PCDHGC5: variants seen among roughly 807,000 people sequenced by gnomAD.
The protein encoded by PCDHGC5 is protocadherin gamma-C5.
Under a neutral mutation model 59.0 loss-of-function variants are expected in PCDHGC5, and 25 were observed. That is an observed-to-expected ratio of 0.42 (90% CI 0.31 to 0.59). The LOEUF (loss-of-function observed/expected upper bound fraction) is 0.59, where lower values mean the gene tolerates loss of function less well. Among genes scored for constraint, PCDHGC5 ranks in the 20% least tolerant of loss-of-function variants. The probability of loss-of-function intolerance (pLI) is 0.13; values close to 1 mark genes in which losing one functional copy is unlikely to be tolerated. For synonymous variants in PCDHGC5, 434 were observed against 505.5 expected (o/e 0.86, Z 1.90); for missense variants, 1,067 against 1,206.4 (o/e 0.88, Z 1.71).
At chr5:141,501,718 A>G (rs914077060) in intron 2 of PCDHGC5, among the ~76,000 whole-genome samples, 1 of 152,152 alleles carries the variant, frequency 6.6e-6, no homozygotes, top group Non-Finnish European at 1.5e-5. Flanking sequence ...AAAAAGACAA[A>G]TATATTACCC....
At chr5:141,502,697 T>C (rs893610041) in intron 2 of PCDHGC5, among the ~76,000 whole-genome samples, 13 of 152,208 alleles carry the variant, frequency 8.5e-5, no homozygotes, top group African/African-American at 3.1e-4. Context: ...CTTGCCTGTA[T>C]CTGTTTTTAC....
intron 2 of PCDHGC5, among the ~76,000 whole-genome samples, chr5:141,500,125 T>C (rs1367341826): frequency 2.0e-5 from 3 of 151,970 alleles, no homozygotes; most frequent in African/African-American, 4.8e-5. Flanking sequence ...CCTTTTCATA[T>C]ATATCTTTCT....
chr5:141,491,709 C>T lies in PCDHGC5; in HGVS notation c.2460+9C>T, dbSNP rs2099725685. On this transcript the variant is annotated intron_variant, in intron 1 of 3. Coordinates refer to ENST00000252087, the MANE Select transcript of PCDHGC5 (RefSeq NM_018929.3). The surrounding 1 kb of genome is among the most constrained non-coding windows in gnomAD (Gnocchi z 6.9). The stretch of plus-strand genomic sequence containing the variant: ...TGCGGGAGCGGAGCCAGGTGAGGGG[C>T]TCGGCGCCGCCCCGGGCGACCCCTG... 6.2e-7 allele frequency: 1 copy of T among 1,610,156 alleles called. No homozygotes were observed. Among genetic ancestry groups the T allele is most frequent in the Non-Finnish European group, 8.5e-7 (1 of 1,178,376 alleles).
At position 141,491,658 on chromosome 5, in the gene PCDHGC5, C is replaced by A; in HGVS notation, c.2418C>A (p.Asp806Glu). 1 of 1,613,822 alleles carries A rather than the reference C, an allele frequency of 6.2e-7. No homozygotes were observed. The highest frequency in any genetic ancestry group is 8.5e-7 in the Non-Finnish European group (1 of 1,180,016). Residue 806 changes from aspartate to glutamate, a missense_variant, in exon 1 of 4, where the codon GAC (aspartate) becomes GAA (glutamate). By Grantham distance (45) the Asp-to-Glu change is conservative. Coordinates refer to ENST00000252087, the MANE Select transcript of PCDHGC5 (RefSeq NM_018929.3). The surrounding 1 kb of genome is among the most constrained non-coding windows in gnomAD (Gnocchi z 6.9). ...CCACAGCTCTGGCGCTGGAGCCTGA[C>A]GCCATCCGGTCCCGCTCTAATACGC... is the stretch of plus-strand genomic sequence containing the variant. ...QQPTALALEPDAIRSRSNTLR... is the reference protein window; with the variant it reads ...QQPTALALEPEAIRSRSNTLR...
Position 141,491,793 on chromosome 5 carries a change from C to T in PCDHGC5, c.2460+93C>T, listed in dbSNP as rs2099730341. 4.0e-6 allele frequency: 6 copies of T among 1,511,410 alleles called. No individual in the cohort carries two copies. Among genetic ancestry groups the T allele is most frequent in the East Asian group, 2.5e-5 (1 of 40,660 alleles). The allele number at this position is 1,511,410 out of a possible 1,614,324, so 93.6% of individuals were successfully genotyped here. A position where few individuals can be genotyped will look rare whatever the true frequency, so the allele number is the denominator to read the frequency against. On this transcript the variant is annotated intron_variant, in intron 1 of 3. Transcript: ENST00000252087. This position sits in a 1 kb window ranked among gnomAD's most constrained non-coding sequence, Gnocchi z 6.9. ...AGGGATTGAACTTGCATCCACTCCT[C>T]TCCGGCCGGCTTGGTCGCTGGCTGC...
intron 2 of PCDHGC5, among the ~76,000 whole-genome samples, chr5:141,500,428 C>G (rs1224554560): frequency 6.6e-6 from 1 of 151,836 alleles, no homozygotes; most frequent in African/African-American, 2.4e-5. Context: ...CCAGGATGGT[C>G]TCGATCTCCT....
Position 141,491,636 on chromosome 5 carries a change from C to T in PCDHGC5, c.2396C>T (p.Thr799Ile). ...AGACCCCTCAGCGTTCAGCAGCCCA[C>T]AGCTCTGGCGCTGGAGCCTGACGCC... ...FLRPLSVQQP[T>I]ALALEPDAIR... Residue 799 changes from threonine (T) to isoleucine (I), a missense_variant, in exon 1 of 4, where the codon ACA becomes ATA. Thr to Ile is a moderately conservative substitution (Grantham distance 89, BLOSUM62 -1). Coordinates refer to ENST00000252087, the MANE Select transcript of PCDHGC5 (RefSeq NM_018929.3). This position sits in a 1 kb window ranked among gnomAD's most constrained non-coding sequence, Gnocchi z 6.9. 6.2e-7 allele frequency: 1 copy of T among 1,613,922 alleles called. No homozygotes were observed. Among genetic ancestry groups the T allele is most frequent in the Non-Finnish European group, 8.5e-7 (1 of 1,180,020 alleles).
At position 141,491,151 on chromosome 5, in the gene PCDHGC5, T is replaced by C. The variant is rs1283775894; in HGVS notation, c.1911T>C (p.Asp637=). The C allele has an allele frequency of 6.2e-7, 1 of 1,614,150 alleles. No individual in the cohort carries two copies. The change falls in exon 1 of 4, where the codon GAT becomes GAC. Residue 637 remains aspartate, a synonymous_variant. Transcript: ENST00000252087. The surrounding 1 kb of genome is among the most constrained non-coding windows in gnomAD (Gnocchi z 6.9). ...GCACAGCCCGGGCCTTACTGGAGGA[T>C]GACTCTGACACCCAGCAGGTGGTGG... The part of the protein sequence containing the change: ...EVRTARALLE[D]DSDTQQVVVL...
At chr5:141,506,053 T>C (rs1486313858) in intron 3 of PCDHGC5, among the ~76,000 whole-genome samples, 1 of 152,126 alleles carries the variant, frequency 6.6e-6, no homozygotes, top group Non-Finnish European at 1.5e-5. Context: ...TCCCATAAGG[T>C]TGACTAAGGG....
Position 141,490,270 on chromosome 5 carries a change from A to G in PCDHGC5, c.1030A>G (p.Asn344Asp). Residue 344 changes from asparagine to aspartate, a missense_variant, in exon 1 of 4, where the codon AAT becomes GAT. Asn to Asp is a conservative substitution (Grantham distance 23). Coordinates refer to ENST00000252087, the MANE Select transcript of PCDHGC5 (RefSeq NM_018929.3). The surrounding 1 kb of genome is among the most constrained non-coding windows in gnomAD (Gnocchi z 5.4). The stretch of plus-strand genomic sequence containing the variant: ...GATTCAAGTGGATGTGGGGGATGTC[A>G]ATGACAATGCCCCAGAGGTGCTATT... ...CVIQVDVGDV[N>D]DNAPEVLLAS... The G allele has an allele frequency of 6.2e-7, 1 of 1,614,226 alleles. No individual in the cohort carries two copies. Among genetic ancestry groups the G allele is most frequent in the African/African-American group, 1.3e-5 (1 of 75,060 alleles).
chr5:141,491,208 C>G lies in PCDHGC5; in HGVS notation c.1968C>G (p.Leu656=). 6.2e-7 allele frequency: 1 copy of G among 1,614,204 alleles called. No individual in the cohort carries two copies. Among genetic ancestry groups the G allele is most frequent in the Non-Finnish European group, 8.5e-7 (1 of 1,180,026 alleles). ...VLVRDNGDPS[L]SSTATVLLVL... ...TGAGGGACAATGGTGACCCTTCACTCTCCTCCACAGCCACAGTGCTGCTGG... is the reference window on the plus strand; with the variant it reads ...TGAGGGACAATGGTGACCCTTCACTGTCCTCCACAGCCACAGTGCTGCTGG... Residue 656 remains leucine, a synonymous_variant, in exon 1 of 4, where the codon CTC becomes CTG. Coordinates refer to ENST00000252087, the MANE Select transcript of PCDHGC5 (RefSeq NM_018929.3). This position sits in a 1 kb window ranked among gnomAD's most constrained non-coding sequence, Gnocchi z 6.9.
At chr5:141,498,372 C>A (rs1008996197) in intron 2 of PCDHGC5, among the ~76,000 whole-genome samples, 3 of 151,730 alleles carry the variant, frequency 2.0e-5, no homozygotes, top group Admixed American at 1.3e-4. Flanking sequence ...GTGGTGAGGC[C>A]TCCTGGGATC....
chr5:141,492,359 C>A (rs1292383129), intron 1 of PCDHGC5, among the ~76,000 whole-genome samples: 3 of 152,336 alleles, frequency 2.0e-5, no homozygotes, highest in African/African-American at 7.2e-5. Flanking sequence ...GCCACTCGCT[C>A]GCGGCCAGAT....
At chr5:141,510,695 C>T (rs1023505006) in intron 3 of PCDHGC5, among the ~76,000 whole-genome samples, 1 of 152,166 alleles carries the variant, frequency 6.6e-6, no homozygotes, top group Non-Finnish European at 1.5e-5. Context: ...GTTAGGTAGA[C>T]TTGCCCAGGA....
chr5:141,501,478 T>A (rs536337246), intron 2 of PCDHGC5, among the ~76,000 whole-genome samples: 5 of 151,890 alleles, frequency 3.3e-5, no homozygotes, highest in Non-Finnish European at 7.4e-5. Flanking sequence ...CCTGGAAGAG[T>A]CCCTCATATC....
chr5:141,507,631 C>T (rs1435446169), intron 3 of PCDHGC5, among the ~76,000 whole-genome samples: 4 of 152,236 alleles, frequency 2.6e-5, no homozygotes, highest in East Asian at 3.8e-4. Context: ...TGTGGCCTTG[C>T]GCCCTGAGGC....
chr5:141,502,514 T>A (rs2099814743), intron 2 of PCDHGC5, among the ~76,000 whole-genome samples: 1 of 152,202 alleles, frequency 6.6e-6, no homozygotes, highest in African/African-American at 2.4e-5. Flanking sequence ...TGTCCCACTA[T>A]CAGTGATGCC....
At chr5:141,498,352 C>T (rs1439698389) in intron 2 of PCDHGC5, among the ~76,000 whole-genome samples, 1 of 151,772 alleles carries the variant, frequency 6.6e-6, no homozygotes, top group Non-Finnish European at 1.5e-5. Flanking sequence ...AAAGCCTATG[C>T]AAAAGCCTTG....
chr5:141,509,067 C>T (rs987332283), intron 3 of PCDHGC5, among the ~76,000 whole-genome samples: 1 of 152,132 alleles, frequency 6.6e-6, no homozygotes, highest in African/African-American at 2.4e-5. Flanking sequence ...CTCTCAGCTC[C>T]GGGGATTTGC....
Sources: allele counts gnomAD v4.1 joint callset (sites outside exome capture counted in the v4.1 genomes callset), GRCh38; gene constraint gnomAD v4.1.1; non-coding constraint Gnocchi (gnomAD v3.1); transcripts MANE v1.5; gene names NCBI Gene and HGNC (gene_info 2026-07-23, HGNC 2026-07-21).